Variants in CASQ2 observed in about 807,000 individuals in gnomAD.
The protein encoded by CASQ2 is calsequestrin 2, also known as calsequestrin-2.
A neutral mutation model predicts 46.5 loss-of-function variants in CASQ2; 49 were observed. The ratio of observed to expected loss-of-function variants is 1.05; its 90% CI spans 0.84 to 1.34. CASQ2 has a LOEUF of 1.34. Ranked by LOEUF, CASQ2 falls within the 40% of genes most tolerant of loss-of-function variation. The pLI, the probability that CASQ2 is intolerant of heterozygous loss-of-function variation, is 0.00. For synonymous variants in CASQ2, 174 were observed against 168.5 expected, an observed-to-expected ratio of 1.03 and a Z score of -0.25; for missense variants, 486 against 481.3, an observed-to-expected ratio of 1.01 and a Z score of -0.09.
Position 115,707,696 on chromosome 1 carries a change from T to C in CASQ2, c.839-2404A>G, listed in dbSNP as rs74971470. 9.2e-3 allele frequency among the ~76,000 whole-genome samples: 1,396 copies of C among 152,286 alleles called. 15 individuals are homozygous for C. Among genetic ancestry groups the C allele is most frequent in the Non-Finnish European group, 0.014 (967 of 68,014 alleles). ...ATAGTACAAAGACCACAAGGAGGAA[T>C]TCCTCCAAAACAACTTCAGTTACTG... On this transcript the variant is annotated intron_variant, in intron 8 of 10. Coordinates refer to ENST00000261448, the MANE Select transcript of CASQ2 (RefSeq NM_001232.4).
intron 7 of CASQ2, among the ~76,000 whole-genome samples, chr1:115,723,053 A>T (rs188542565): frequency 1.6e-4 from 24 of 152,262 alleles, no homozygotes; most frequent in South Asian, 1.2e-3. Context: ...GTCTCAAAAA[A>T]AATAATAATA....
Position 115,725,389 on chromosome 1 carries a change from C to G in CASQ2, c.783+119G>C, listed in dbSNP as rs1336953419. 3 of 1,123,414 alleles carry G rather than the reference C, an allele frequency of 2.7e-6. No individual in the cohort carries two copies. The African/African-American group carries it at 4.6e-5, about 17-fold the overall frequency. 69.6% of individuals were successfully genotyped at this position (1,123,414 alleles called of 1,614,324 possible). On this transcript the variant is annotated intron_variant, in intron 7 of 10. Coordinates refer to ENST00000261448, the MANE Select transcript of CASQ2 (RefSeq NM_001232.4). The stretch of plus-strand genomic sequence containing the variant: ...ATCTGTCCATGTTTCAAATACTCAT[C>G]TAGACATCCACCTCAGCCAAATAAA...
At chr1:115,715,932 A>G (rs1211092810) in intron 8 of CASQ2, among the ~76,000 whole-genome samples, 4 of 152,204 alleles carry the variant, frequency 2.6e-5, no homozygotes, top group African/African-American at 9.7e-5. Context: ...TTGATGAAAA[A>G]GGCGATCTGT....
At chr1:115,738,757 G>A (rs1410347872) in intron 3 of CASQ2, among the ~76,000 whole-genome samples, 3 of 151,986 alleles carry the variant, frequency 2.0e-5, no homozygotes, top group African/African-American at 7.3e-5. Context: ...TAGTGATTTT[G>A]AAATATGTAA....
At chr1:115,704,689 C>T (rs1654306313) in intron 9 of CASQ2, among the ~76,000 whole-genome samples, 2 of 152,304 alleles carry the variant, frequency 1.3e-5, no homozygotes, top group East Asian at 3.9e-4. Flanking sequence ...CTTGAAGTTT[C>T]TTTCACATTC....
chr1:115,742,300 T>C (rs1648212931), intron 2 of CASQ2, among the ~76,000 whole-genome samples: 2 of 152,138 alleles, frequency 1.3e-5, no homozygotes. Context: ...TTGATATCAA[T>C]GATGGCCAAT....
Position 115,725,837 on chromosome 1 carries a change from C to T in CASQ2, c.738-284G>A, listed in dbSNP as rs1298909351. Among the ~76,000 whole-genome samples, 7 of 152,178 alleles carry T rather than the reference C, an allele frequency of 4.6e-5. No homozygotes were observed. In the South Asian group the frequency reaches 1.4e-3, roughly 32 times the overall value. On this transcript the variant is annotated intron_variant, in intron 6 of 10. Transcript: ENST00000261448. ...AATGGGTCAGAGGGCACAGGGTCAG[C>T]TCATTCCCAGGGCAAGATGCCATTT...
chr1:115,713,176 CT>C (rs1654602090), intron 8 of CASQ2, among the ~76,000 whole-genome samples: 1 of 152,126 alleles, frequency 6.6e-6, no homozygotes. Context: ...CTTTGCAAAC[CT>C]TTCATCACAT....
chr1:115,752,722 G>A (rs1265912387), intron 1 of CASQ2, among the ~76,000 whole-genome samples: 1 of 152,214 alleles, frequency 6.6e-6, no homozygotes, highest in Non-Finnish European at 1.5e-5. Flanking sequence ...TACTAGGACT[G>A]GAAGCTCTGA....
At chr1:115,722,095 G>T (rs762062184) in intron 7 of CASQ2, among the ~76,000 whole-genome samples, 28 of 152,182 alleles carry the variant, frequency 1.8e-4, no homozygotes, top group Non-Finnish European at 3.2e-4. Flanking sequence ...GGAGAGGCCT[G>T]TCCTGCCTTC....
intron 3 of CASQ2, among the ~76,000 whole-genome samples, chr1:115,740,189 T>C (rs888514915): frequency 2.0e-5 from 3 of 152,246 alleles, no homozygotes; most frequent in Admixed American, 1.3e-4. Flanking sequence ...TGTGAGTTTA[T>C]CTATGGATGA....
At chr1:115,726,956 C>A (rs1311547279) in intron 6 of CASQ2, 36 bp downstream of exon 6, 2 of 1,351,902 alleles carry the variant, frequency 1.5e-6, no homozygotes, top group Non-Finnish European at 2.1e-6. Context: ...TTCCCCAGAC[C>A]CCAGGCCCCC....
intron 6 of CASQ2, among the ~76,000 whole-genome samples, 158 bp from the exon 7 acceptor site, chr1:115,725,711 C>G (rs1570816085): frequency 6.6e-6 from 1 of 152,218 alleles, no homozygotes; most frequent in African/African-American, 2.4e-5. Flanking sequence ...TCTAAGGAAA[C>G]AGACCTGCTC....
At chr1:115,717,575 C>T (rs1654744341) in intron 8 of CASQ2, among the ~76,000 whole-genome samples, 2 of 148,048 alleles carry the variant, frequency 1.4e-5, no homozygotes, top group Non-Finnish European at 2.9e-5. Context: ...GCAAATCCCA[C>T]TGACTCAGTG....
chr1:115,727,472 T>A (rs12729921), intron 5 of CASQ2, among the ~76,000 whole-genome samples: 2,772 of 152,326 alleles, frequency 0.018, 33 homozygotes, highest in Non-Finnish European at 0.03. Context: ...CAATGGAGCA[T>A]ATTTACTATC....
At chr1:115,706,875 CT>C (rs1654379677) in intron 8 of CASQ2, among the ~76,000 whole-genome samples, 1 of 152,138 alleles carries the variant, frequency 6.6e-6, no homozygotes, top group South Asian at 2.1e-4. Flanking sequence ...TTCTTTATCT[CT>C]AATGCATTCC....
intron 1 of CASQ2, among the ~76,000 whole-genome samples, chr1:115,759,686 G>A (rs1433959137): frequency 1.3e-5 from 2 of 152,216 alleles, no homozygotes; most frequent in Non-Finnish European, 2.9e-5. Context: ...CTATTCAGGT[G>A]TTCACTAGAC....
At chr1:115,736,056 A>C (rs1647944246) in intron 4 of CASQ2, among the ~76,000 whole-genome samples, 1 of 151,488 alleles carries the variant, frequency 6.6e-6, no homozygotes, top group African/African-American at 2.4e-5. Flanking sequence ...CCAGCTACTC[A>C]GGAGGCTGAG....
chr1:115,709,143 A>G (rs1654462181), intron 8 of CASQ2, among the ~76,000 whole-genome samples: 3 of 152,228 alleles, frequency 2.0e-5, no homozygotes. Flanking sequence ...AAGGCAGCTA[A>G]CCTGGTCTCA....
Sources: allele counts gnomAD v4.1 joint callset (sites outside exome capture counted in the v4.1 genomes callset), GRCh38; gene constraint gnomAD v4.1.1; transcripts MANE v1.5; gene names NCBI Gene and HGNC (gene_info 2026-07-23, HGNC 2026-07-21).